Variants in EYS observed in about 807,000 individuals in gnomAD.
EYS encodes the protein protein eyes shut homolog.
Under a neutral mutation model 282.1 loss-of-function variants are expected in EYS, and 250 were observed. That is an observed-to-expected ratio of 0.89 (90% CI 0.80 to 0.98). EYS has a LOEUF of 0.98. Among genes scored for constraint, EYS ranks in the 50% least tolerant of loss-of-function variants. The pLI is 0.00. For synonymous variants in EYS, 1,355 were observed against 1,282.9 expected, an observed-to-expected ratio of 1.06 and a Z score of -1.20; for missense variants, 4,016 against 3,709.0, an observed-to-expected ratio of 1.08 and a Z score of -2.15.
At chr6:64,972,208 A>G (rs1377700652) in intron 14 of EYS, among the ~76,000 whole-genome samples, 2 of 152,158 alleles carry the variant, frequency 1.3e-5, no homozygotes, top group East Asian at 1.9e-4. Flanking sequence ...ACATTTTGAC[A>G]TTAGGCAATC....
At chr6:63,989,904 A>G (rs1767533684) in intron 34 of EYS, among the ~76,000 whole-genome samples, 2 of 151,616 alleles carry the variant, frequency 1.3e-5, no homozygotes, top group Admixed American at 1.3e-4. Context: ...TAAAAATTTG[A>G]TAAATATGAG....
At position 65,612,700 on chromosome 6, in the gene EYS, T is replaced by C. The variant is rs1050540016; in HGVS notation, c.-333+27078A>G. The stretch of plus-strand genomic sequence containing the variant: ...ATCACTCATTCTACAGTATTAATCA[T>C]AGAAGTTTTCTTTTCATATATTTTA... On this transcript the variant is annotated intron_variant, in intron 2 of 42. Transcript: ENST00000503581. Among the ~76,000 whole-genome samples, 6 of 151,734 alleles carry C rather than the reference T, an allele frequency of 4.0e-5. No individual in the cohort carries two copies. The East Asian group carries it at 1.2e-3, about 29-fold the overall frequency.
intron 35 of EYS, among the ~76,000 whole-genome samples, chr6:63,923,739 C>T (rs1388019196): frequency 3.9e-5 from 6 of 152,130 alleles, no homozygotes; most frequent in African/African-American, 1.2e-4. Context: ...TTCTCTCCCC[C>T]GTCTATGGTC....
At chr6:64,859,777 C>A (rs969427509) in intron 19 of EYS, among the ~76,000 whole-genome samples, 2 of 152,084 alleles carry the variant, frequency 1.3e-5, no homozygotes, top group Non-Finnish European at 2.9e-5. Flanking sequence ...TTGGTTATGT[C>A]TTTATCAGCA....
rs187202494 is a variant in EYS at position 65,045,044 on chromosome 6, G to A, written c.2137+12570C>T. ...AAAGCTTGACTCCTCTTTAATTTCT[G>A]TCTGCTTCTGGTAACTCTTTAGTGC... On this transcript the variant is annotated intron_variant, in intron 13 of 42. Transcript: ENST00000503581. Among the ~76,000 whole-genome samples the A allele has an allele frequency of 2.2e-3, 329 of 151,816 alleles. 1 individual carries two copies. The highest frequency in any genetic ancestry group is 0.01 in the Middle Eastern group (3 of 294).
At chr6:64,166,082 A>T (rs1008389446) in intron 31 of EYS, among the ~76,000 whole-genome samples, 19 of 152,310 alleles carry the variant, frequency 1.2e-4, no homozygotes, top group African/African-American at 4.6e-4. Flanking sequence ...TTAATGTTGG[A>T]AGGCAAATGT....
At chr6:64,062,464 G>A (rs550067491) in intron 33 of EYS, among the ~76,000 whole-genome samples, 1 of 152,076 alleles carries the variant, frequency 6.6e-6, no homozygotes, top group South Asian at 2.1e-4. Flanking sequence ...GGCTGAGGTG[G>A]GAAGATCACC....
chr6:65,058,356 G>A (rs896839118), intron 12 of EYS, among the ~76,000 whole-genome samples: 3 of 151,984 alleles, frequency 2.0e-5, no homozygotes, highest in African/African-American at 7.2e-5. Context: ...TCACCATATT[G>A]GTCAGGCTGT....
intron 12 of EYS, among the ~76,000 whole-genome samples, chr6:65,123,233 T>A (rs1472184194): frequency 6.6e-6 from 1 of 152,176 alleles, no homozygotes; most frequent in Non-Finnish European, 1.5e-5. Context: ...GCTTGAGCTA[T>A]TATTTTTCTA....
At chr6:65,533,822 C>A (rs780273918) in intron 2 of EYS, among the ~76,000 whole-genome samples, 23 of 152,014 alleles carry the variant, frequency 1.5e-4, no homozygotes, top group Non-Finnish European at 2.8e-4. Flanking sequence ...TATAAGCCAC[C>A]CAATTTATGT....
At chr6:64,025,980 G>A (rs1769485733) in intron 33 of EYS, among the ~76,000 whole-genome samples, 1 of 152,162 alleles carries the variant, frequency 6.6e-6, no homozygotes, top group African/African-American at 2.4e-5. Flanking sequence ...GTGGTCTAGG[G>A]GACAGGCAAG....
Position 63,757,211 on chromosome 6 carries a change from G to A in EYS, c.8071+5250C>T, listed in dbSNP as rs145265746. On this transcript the variant is annotated intron_variant, in intron 41 of 42. Coordinates refer to ENST00000503581, the MANE Select transcript of EYS (RefSeq NM_001142800.2). ...ATAATTAAGACCCTGGGAAAGGCAC[G>A]CATTCTTGGGGGGAGGTCTATAAAT... is the stretch of plus-strand genomic sequence containing the variant. 3.9e-3 allele frequency among the ~76,000 whole-genome samples: 587 copies of A among 152,122 alleles called. 3 individuals are homozygous for A. Among genetic ancestry groups the A allele is most frequent in the African/African-American group, 0.012 (509 of 41,520 alleles).
intron 35 of EYS, among the ~76,000 whole-genome samples, chr6:63,905,329 C>CTTTTTTTTTTTTT (rs377115720): frequency 8.5e-6 from 1 of 118,304 alleles, no homozygotes; most frequent in African/African-American, 3.4e-5. Context: ...CTTTTTTTTT[C>CTTTTTTTTTTTTT]TTTTTTTTTT....
At chr6:64,910,236 T>C (rs1767950814) in intron 16 of EYS, among the ~76,000 whole-genome samples, 1 of 152,180 alleles carries the variant, frequency 6.6e-6, no homozygotes, top group Non-Finnish European at 1.5e-5. Context: ...AATGTTTTCT[T>C]TTAAAAACAA....
intron 22 of EYS, among the ~76,000 whole-genome samples, chr6:64,662,670 G>A (rs146651437): frequency 0.014 from 2,115 of 152,114 alleles, 23 homozygotes; most frequent in Non-Finnish European, 0.022. Flanking sequence ...GCCTTGCTTC[G>A]CTCATAGATT....
At chr6:65,134,607 C>T (rs77499746) in intron 12 of EYS, among the ~76,000 whole-genome samples, 4,301 of 151,772 alleles carry the variant, frequency 0.028, 157 homozygotes, top group African/African-American at 0.086. Context: ...TCCTTGAGGG[C>T]GGGGTGTGGG....
intron 5 of EYS, among the ~76,000 whole-genome samples, chr6:65,482,245 A>C (rs1765635065): frequency 6.6e-6 from 1 of 152,166 alleles, no homozygotes; most frequent in African/African-American, 2.4e-5. Context: ...ATGCCTTAAA[A>C]ATTATTTACA....
At chr6:65,518,672 T>C (rs946195978) in intron 2 of EYS, among the ~76,000 whole-genome samples, 2 of 152,312 alleles carry the variant, frequency 1.3e-5, no homozygotes, top group African/African-American at 4.8e-5. Flanking sequence ...AATAAGTGTA[T>C]ATTAGTAGGT....
intron 35 of EYS, among the ~76,000 whole-genome samples, chr6:63,950,833 C>T (rs1386252057): frequency 6.6e-6 from 1 of 152,192 alleles, no homozygotes; most frequent in African/African-American, 2.4e-5. Flanking sequence ...TCTCTCCCTT[C>T]TTTTAATTTC....
Sources: allele counts gnomAD v4.1 joint callset (sites outside exome capture counted in the v4.1 genomes callset), GRCh38; gene constraint gnomAD v4.1.1; transcripts MANE v1.5; gene names NCBI Gene and HGNC (gene_info 2026-07-23, HGNC 2026-07-21).